FRMPD2: variants seen among roughly 807,000 people sequenced by gnomAD.
The protein encoded by FRMPD2 is FERM and PDZ domain-containing protein 2.
Under a neutral mutation model 140.1 loss-of-function variants are expected in FRMPD2, and 96 were observed. The ratio of observed to expected loss-of-function variants is 0.69; its 90% CI spans 0.58 to 0.81. FRMPD2 has a LOEUF of 0.81. Among genes scored for constraint, FRMPD2 ranks in the 40% least tolerant of loss-of-function variants. The pLI is 0.00. For missense variants in FRMPD2, 1,240 were observed against 1,447.4 expected (o/e 0.86, Z 2.32); for synonymous variants, 449 against 547.6 (o/e 0.82, Z 2.52).
intron 16 of FRMPD2, among the ~76,000 whole-genome samples, chr10:48,191,401 T>G (rs1414725055): frequency 6.6e-6 from 1 of 152,188 alleles, no homozygotes; most frequent in Non-Finnish European, 1.5e-5. Context: ...ACTGTGAAAT[T>G]TCTAATCCAG....
At chr10:48,189,411 C>T (rs1322945169) in intron 16 of FRMPD2, among the ~76,000 whole-genome samples, 1 of 152,222 alleles carries the variant, frequency 6.6e-6, no homozygotes, top group Admixed American at 6.5e-5. Flanking sequence ...TACCTCACGG[C>T]AGGCAGCCAC....
At chr10:48,211,046 A>G (rs1055426991) in intron 13 of FRMPD2, among the ~76,000 whole-genome samples, 10 of 152,214 alleles carry the variant, frequency 6.6e-5, no homozygotes, top group Non-Finnish European at 1.3e-4. Context: ...ATCTTGACAT[A>G]GAGTAGCTGG....
At position 48,192,808 on chromosome 10, in the gene FRMPD2, A is replaced by G; in HGVS notation, c.2041T>C (p.Cys681Arg). 6.2e-7 allele frequency: 1 copy of G among 1,614,156 alleles called. No individual in the cohort carries two copies. The change falls in exon 16 of 29, where the codon TGC (cysteine) becomes CGC (arginine). Residue 681 changes from cysteine (C) to arginine (R), a missense_variant. By Grantham distance (180) the Cys-to-Arg change is radical. This residue lies in a region of FRMPD2 where 1,161 missense variants were observed against 1,055.9 expected (regional missense o/e 1.10). Coordinates refer to ENST00000374201, the MANE Select transcript of FRMPD2 (RefSeq NM_001018071.4). ...KPLIWIQRLS[C>R]SENELFVSRL... ...GATACAAACAACTCGTTTTCTGAGC[A>G]TGACAATCTCTGAATCCAAATGAGA...
At chr10:48,178,274 C>T (rs1440858129) in intron 21 of FRMPD2, 123 bp from the exon 22 acceptor site, 5 of 677,520 alleles carry the variant, frequency 7.4e-6, no homozygotes, top group Non-Finnish European at 1.3e-5. Context: ...TGGATTGGGC[C>T]AGCAGGGGAT....
intron 13 of FRMPD2, 107 bp from the exon 14 acceptor site, chr10:48,207,040 A>G (rs187142385): frequency 8.6e-5 from 82 of 957,424 alleles, no homozygotes; most frequent in South Asian, 3.2e-4. Flanking sequence ...TTCTGAAAAG[A>G]AAGAGTAGAA....
Position 48,240,490 on chromosome 10 carries a change from C to T in FRMPD2, c.570G>A (p.Val190=). The T allele has an allele frequency of 6.2e-7, 1 of 1,613,740 alleles. No homozygotes were observed. Among genetic ancestry groups the T allele is most frequent in the Non-Finnish European group, 8.5e-7 (1 of 1,180,022 alleles). Reference sequence around the variant, plus strand: ...AGCTTTCCTCCACAACTCTTTTCTCCACCTGGGGGTCAAGTGCATCACACA... The same window carrying T: ...AGCTTTCCTCCACAACTCTTTTCTCTACCTGGGGGTCAAGTGCATCACACA... ...VGLVLGTISE[V]EKRVVEESSS... The change falls in exon 6 of 29, where the codon GTG becomes GTA. Residue 190 remains valine, a splice_region_variant and synonymous_variant. Transcript: ENST00000374201.
At chr10:48,209,390 A>C (rs1839269286) in intron 13 of FRMPD2, among the ~76,000 whole-genome samples, 1 of 152,252 alleles carries the variant, frequency 6.6e-6, no homozygotes. Flanking sequence ...ATCTACAGAC[A>C]GACTATGGTA....
chr10:48,260,008 A>G (rs1840553843), intron 1 of FRMPD2, among the ~76,000 whole-genome samples: 2 of 152,206 alleles, frequency 1.3e-5, no homozygotes, highest in Admixed American at 1.3e-4. Flanking sequence ...GATGTAACCA[A>G]TATATAATAT....
At position 48,185,544 on chromosome 10, in the gene FRMPD2, C is replaced by A. The variant is rs766774209; in HGVS notation, c.2359+9G>T. The A allele has an allele frequency of 7.5e-6, 12 of 1,605,426 alleles. No individual in the cohort carries two copies. Among genetic ancestry groups the A allele is most frequent in the Non-Finnish European group, 1.0e-5 (12 of 1,172,220 alleles). On this transcript the variant is annotated intron_variant, in intron 18 of 28. Transcript: ENST00000374201. The stretch of plus-strand genomic sequence containing the variant: ...GAGACTGGGCCTCACCTACAGGGAG[C>A]CCTCTTACCAAAACCACGATGTGGG...
At chr10:48,168,052 TATAAACACACAC>T (rs1268568362) in intron 27 of FRMPD2, among the ~76,000 whole-genome samples, 2 of 147,454 alleles carry the variant, frequency 1.4e-5, no homozygotes, top group Non-Finnish European at 2.9e-5. Flanking sequence ...TCTCTTCATA[TATAAACACACAC>T]ATAAACACAC....
At chr10:48,273,626 A>G (rs978133829) in intron 1 of FRMPD2, among the ~76,000 whole-genome samples, 1 of 151,912 alleles carries the variant, frequency 6.6e-6, no homozygotes, top group Non-Finnish European at 1.5e-5. Context: ...TGCCACCTCC[A>G]TTTCGGCACT....
At chr10:48,233,718 G>A (rs1323804677) in intron 9 of FRMPD2, among the ~76,000 whole-genome samples, 1 of 152,082 alleles carries the variant, frequency 6.6e-6, no homozygotes, top group Non-Finnish European at 1.5e-5. Context: ...CCTCCTCCTT[G>A]GAGGGTTCTG....
Position 48,217,966 on chromosome 10 carries a change from C to A in FRMPD2, c.1455+4347G>T, listed in dbSNP as rs148331602. 4.6e-5 allele frequency among the ~76,000 whole-genome samples: 7 copies of A among 152,296 alleles called. No individual in the cohort carries two copies. In the East Asian group the frequency reaches 1.3e-3, roughly 29 times the overall value. On this transcript the variant is annotated intron_variant, in intron 12 of 28. Transcript: ENST00000374201. ...GCCATAACAAATACTAACTAGGGGGCTTAAACAATAGAAGTTCATTTTCTC... is the reference window on the plus strand; with the variant it reads ...GCCATAACAAATACTAACTAGGGGGATTAAACAATAGAAGTTCATTTTCTC...
At chr10:48,271,181 T>G (rs1276399395) in intron 1 of FRMPD2, among the ~76,000 whole-genome samples, 1 of 152,172 alleles carries the variant, frequency 6.6e-6, no homozygotes, top group Non-Finnish European at 1.5e-5. Flanking sequence ...TTTCCAGCCT[T>G]AGACGCACCA....
intron 3 of FRMPD2, among the ~76,000 whole-genome samples, chr10:48,245,148 A>G (rs556092688): frequency 6.6e-6 from 1 of 152,230 alleles, no homozygotes; most frequent in South Asian, 2.1e-4. Context: ...CTGGCCCCAC[A>G]CTTTCCCCTT....
chr10:48,221,433 G>A (rs1839583930), intron 12 of FRMPD2, among the ~76,000 whole-genome samples: 1 of 152,112 alleles, frequency 6.6e-6, no homozygotes, highest in African/African-American at 2.4e-5. Flanking sequence ...TGGGGACTTG[G>A]GGAAAGGGTT....
chr10:48,273,936 T>C (rs1290286669), intron 1 of FRMPD2, among the ~76,000 whole-genome samples: 1 of 152,246 alleles, frequency 6.6e-6, no homozygotes, highest in African/African-American at 2.4e-5. Context: ...CTGAGTTTTT[T>C]CTTTCCTTTA....
At chr10:48,230,291 T>C (rs1308707579) in intron 10 of FRMPD2, among the ~76,000 whole-genome samples, 2 of 152,228 alleles carry the variant, frequency 1.3e-5, no homozygotes, top group African/African-American at 4.8e-5. Context: ...GTTATTTATA[T>C]AAGTTCAATA....
At position 48,249,229 on chromosome 10, in the gene FRMPD2, T is replaced by C. The variant is rs1840322966; in HGVS notation, c.152-51A>G. On this transcript the variant is annotated intron_variant, in intron 2 of 28. Coordinates refer to ENST00000374201, the MANE Select transcript of FRMPD2 (RefSeq NM_001018071.4). ...GTAGAGACAGAGCTTCCATCTGGGGTGCCAGCATGGGACTGTGCCCAGCAG... is the reference window on the plus strand; with the variant it reads ...GTAGAGACAGAGCTTCCATCTGGGGCGCCAGCATGGGACTGTGCCCAGCAG... The C allele has an allele frequency of 1.9e-6, 3 of 1,587,914 alleles. No individual in the cohort carries two copies. In the African/African-American group the frequency reaches 4.0e-5, roughly 21 times the overall value.
Sources: gnomAD v4.1 joint callset for allele counts (sites outside exome capture counted in the v4.1 genomes callset) on GRCh38, gnomAD v4.1.1 for gene constraint, gnomAD v4.1.1 regional missense constraint, MANE v1.5 for transcripts, NCBI Gene and HGNC (gene_info 2026-07-23, HGNC 2026-07-21) for gene names.